The following PTPRD variants were observed in gnomAD, a reference collection of about 807,000 sequenced individuals.
The protein encoded by PTPRD is protein tyrosine phosphatase receptor type D, also known as receptor-type tyrosine-protein phosphatase delta.
A neutral mutation model predicts 214.5 loss-of-function variants in PTPRD; 34 were observed. That is an observed-to-expected ratio of 0.16 (90% confidence interval 0.12 to 0.21). The LOEUF (loss-of-function observed/expected upper bound fraction) is 0.21, where lower values mean the gene tolerates loss of function less well. Ranked by LOEUF, PTPRD falls within the 10% of genes least tolerant of loss-of-function variation. The pLI, the probability that PTPRD is intolerant of heterozygous loss-of-function variation, is 1.00. For missense variants in PTPRD, 2,545 were observed against 2,398.7 expected (o/e 1.06, Z -1.27); for synonymous variants, 1,128 against 845.7 (o/e 1.33, Z -5.79).
chr9:9,263,329 T>A (rs2099980952), intron 9 of PTPRD, among the ~76,000 whole-genome samples: 1 of 151,674 alleles, frequency 6.6e-6, no homozygotes, highest in African/African-American at 2.4e-5. Context: ...ATAGACATTG[T>A]CTTTTCCACC....
intron 4 of PTPRD, among the ~76,000 whole-genome samples, chr9:9,976,904 T>A (rs144442868): frequency 7.9e-4 from 120 of 152,072 alleles, no homozygotes; most frequent in Non-Finnish European, 1.4e-3. Flanking sequence ...CAAATTTGAT[T>A]TGGCGATTGG....
intron 7 of PTPRD, among the ~76,000 whole-genome samples, chr9:9,584,654 T>A (rs2091590083): frequency 6.6e-6 from 1 of 151,980 alleles, no homozygotes; most frequent in African/African-American, 2.4e-5. Context: ...TTCTATTACT[T>A]TATTTCCAAG....
At chr9:8,731,597 A>G (rs954105581) in intron 12 of PTPRD, among the ~76,000 whole-genome samples, 1 of 152,216 alleles carries the variant, frequency 6.6e-6, no homozygotes, top group South Asian at 2.1e-4. Flanking sequence ...ATAAGTTATA[A>G]TCTGGATCCT....
intron 11 of PTPRD, among the ~76,000 whole-genome samples, chr9:8,836,363 T>C (rs1455994717): frequency 2.6e-5 from 4 of 152,154 alleles, no homozygotes; most frequent in Non-Finnish European, 5.9e-5. Flanking sequence ...CCAGAGATAC[T>C]GGTTAATCAC....
At chr9:9,885,692 G>T (rs889715826) in intron 5 of PTPRD, among the ~76,000 whole-genome samples, 16 of 152,030 alleles carry the variant, frequency 1.1e-4, no homozygotes, top group African/African-American at 3.9e-4. Flanking sequence ...GTCAAAGAAT[G>T]TGGGCAACCT....
intron 10 of PTPRD, among the ~76,000 whole-genome samples, chr9:9,106,450 G>C (rs2099798665): frequency 6.6e-6 from 1 of 151,586 alleles, no homozygotes; most frequent in Admixed American, 6.6e-5. Flanking sequence ...ATAAGCTATA[G>C]TTAAATATGC....
chr9:10,230,436 G>C (rs10958963), intron 3 of PTPRD, among the ~76,000 whole-genome samples: 70 of 140,740 alleles, frequency 5.0e-4, no homozygotes, highest in East Asian at 2.4e-3. Flanking sequence ...ATGTATCTAT[G>C]TATCTATCTA....
intron 8 of PTPRD, among the ~76,000 whole-genome samples, chr9:9,450,690 G>A (rs1175939590): frequency 6.6e-6 from 1 of 151,076 alleles, no homozygotes; most frequent in African/African-American, 2.4e-5. Context: ...TAACTTGATT[G>A]ACACAATTCA....
At chr9:8,857,417 G>C (rs1175789528) in intron 11 of PTPRD, among the ~76,000 whole-genome samples, 1 of 152,184 alleles carries the variant, frequency 6.6e-6, no homozygotes. Flanking sequence ...CGGGTCTGAG[G>C]TTTCAGGCGA....
intron 2 of PTPRD, among the ~76,000 whole-genome samples, chr9:10,412,345 C>G (rs1446620929): frequency 2.0e-5 from 3 of 151,522 alleles, no homozygotes; most frequent in Non-Finnish European, 4.4e-5. Flanking sequence ...ACACACTCAC[C>G]CTTCTAAGAC....
chr9:8,444,226 G>A (rs2095644144), intron 34 of PTPRD, among the ~76,000 whole-genome samples: 1 of 152,096 alleles, frequency 6.6e-6, no homozygotes, highest in Non-Finnish European at 1.5e-5. Flanking sequence ...TAGGGAATGA[G>A]TTAATACATT....
intron 4 of PTPRD, among the ~76,000 whole-genome samples, chr9:9,968,980 C>G (rs1359342364): frequency 6.6e-6 from 1 of 152,134 alleles, no homozygotes; most frequent in Non-Finnish European, 1.5e-5. Flanking sequence ...GAGATGTGAT[C>G]TTGGCCTCAT....
intron 37 of PTPRD, among the ~76,000 whole-genome samples, chr9:8,383,902 C>T (rs1019029078): frequency 6.6e-6 from 1 of 152,130 alleles, no homozygotes; most frequent in African/African-American, 2.4e-5. Context: ...CTGACTAAGC[C>T]TTTCAACTGC....
At chr9:9,761,685 T>C (rs1230607187) in intron 6 of PTPRD, among the ~76,000 whole-genome samples, 2 of 152,138 alleles carry the variant, frequency 1.3e-5, no homozygotes, top group Non-Finnish European at 2.9e-5. Context: ...TCTTATGTTT[T>C]ATAGCTGCAT....
intron 9 of PTPRD, among the ~76,000 whole-genome samples, chr9:9,215,752 C>T (rs2099951739): frequency 6.6e-6 from 1 of 152,166 alleles, no homozygotes; most frequent in South Asian, 2.1e-4. Context: ...TTCATTCCAT[C>T]GTACATTGAT....
At chr9:9,125,529 T>C (rs1266296108) in intron 10 of PTPRD, among the ~76,000 whole-genome samples, 4 of 152,236 alleles carry the variant, frequency 2.6e-5, no homozygotes, top group Non-Finnish European at 5.9e-5. Flanking sequence ...CTTCAGACTA[T>C]GAGCCTTCAG....
intron 11 of PTPRD, among the ~76,000 whole-genome samples, chr9:8,837,178 C>A (rs1436337949): frequency 1.3e-5 from 2 of 151,830 alleles, no homozygotes; most frequent in Non-Finnish European, 2.9e-5. Flanking sequence ...CCATGACCAG[C>A]TAATTTTTGT....
At chr9:9,932,591 C>T (rs1338001468) in intron 5 of PTPRD, among the ~76,000 whole-genome samples, 3 of 117,142 alleles carry the variant, frequency 2.6e-5, no homozygotes, top group African/African-American at 1.1e-4. Flanking sequence ...AAGACCAAAT[C>T]TACATCTGAT....
At chr9:8,714,176 A>C (rs1353068609) in intron 12 of PTPRD, among the ~76,000 whole-genome samples, 2 of 152,222 alleles carry the variant, frequency 1.3e-5, no homozygotes, top group African/African-American at 4.8e-5. Flanking sequence ...CCATCACTTC[A>C]GGAGAAAATT....
Sources: gnomAD v4.1 joint callset for allele counts (sites outside exome capture counted in the v4.1 genomes callset) on GRCh38, gnomAD v4.1.1 for gene constraint, MANE v1.5 for transcripts, NCBI Gene and HGNC (gene_info 2026-07-23, HGNC 2026-07-21) for gene names.